Variants in CWC25 observed in about 807,000 individuals in gnomAD.
The protein encoded by CWC25 is pre-mRNA-splicing factor CWC25 homolog.
Under a neutral mutation model 54.6 loss-of-function variants are expected in CWC25, and 31 were observed. That is an observed-to-expected ratio of 0.57 (90% CI 0.43 to 0.77). The LOEUF (loss-of-function observed/expected upper bound fraction) is 0.77. Among genes scored for constraint, CWC25 ranks in the 30% least tolerant of loss-of-function variants. The probability of loss-of-function intolerance (pLI) is 0.00; values close to 1 mark genes in which losing one functional copy is unlikely to be tolerated. For missense variants in CWC25, 453 were observed against 529.3 expected (o/e 0.86, Z 1.41); for synonymous variants, 151 against 187.0 (o/e 0.81, Z 1.57).
intron 1 of CWC25, among the ~76,000 whole-genome samples, chr17:38,824,555 G>A (rs1912063522): frequency 6.6e-6 from 1 of 152,040 alleles, no homozygotes; most frequent in Admixed American, 6.6e-5. Context: ...GTGTGGTGGC[G>A]CATGCCTGTA....
chr17:38,823,092 C>A (rs1911992406), intron 1 of CWC25, among the ~76,000 whole-genome samples: 1 of 151,828 alleles, frequency 6.6e-6, no homozygotes. Flanking sequence ...CCCGCCTTGG[C>A]CTCCCAAAGT....
chr17:38,820,870 C>T (rs1911892626), intron 2 of CWC25, 31 bp downstream of exon 2: 1 of 1,593,252 alleles, frequency 6.3e-7, no homozygotes, highest in Non-Finnish European at 8.5e-7. Context: ...CAATTCCCTA[C>T]ACACAAGCGC....
intron 2 of CWC25, 23 bp downstream of exon 2, chr17:38,820,878 C>T (rs754049315): frequency 4.1e-5 from 66 of 1,598,232 alleles, no homozygotes; most frequent in Admixed American, 1.9e-4. Flanking sequence ...TACACACAAG[C>T]GCACCCCCAG....
chr17:38,821,153 C>G (rs1911907773), intron 1 of CWC25, 80 bp from the exon 2 acceptor site: 2 of 1,420,514 alleles, frequency 1.4e-6, no homozygotes, highest in Non-Finnish European at 1.9e-6. Flanking sequence ...CTCACCCACC[C>G]TTCCATACCC....
Position 38,801,808 on chromosome 17 carries a change from C to A in CWC25, c.*284G>T. On this transcript the variant is annotated 3_prime_UTR_variant, in exon 10 of 10. Transcript: ENST00000614790. ...GGAAGTGGCATGATAAACATCACAA[C>A]CCCAGGGAACAGCCTTCCAGAGTGG... is the stretch of plus-strand genomic sequence containing the variant. The A allele has an allele frequency of 3.3e-6, 1 of 301,464 alleles. No individual in the cohort carries two copies. 18.7% of individuals were successfully genotyped at this position (301,464 alleles called of 1,614,324 possible). A position where few individuals can be genotyped will look rare whatever the true frequency, so the allele number is the denominator to read the frequency against.
At chr17:38,809,817 C>T in intron 5 of CWC25, 52 bp from the exon 6 acceptor site, 2 of 1,504,744 alleles carry the variant, frequency 1.3e-6, no homozygotes, top group East Asian at 4.6e-5. Flanking sequence ...TATATAGGTC[C>T]AATTTAAATA....
At chr17:38,806,687 AC>A in intron 7 of CWC25, 77 bp downstream of exon 7, 1 of 1,312,734 alleles carries the variant, frequency 7.6e-7, no homozygotes, top group Non-Finnish European at 1.0e-6. Context: ...GACGGACATC[AC>A]CAAAAGCAAA....
chr17:38,822,643 G>A (rs1334188304), intron 1 of CWC25, among the ~76,000 whole-genome samples: 1 of 152,130 alleles, frequency 6.6e-6, no homozygotes, highest in Non-Finnish European at 1.5e-5. Context: ...GGGGAGATGA[G>A]GGGGGTAGAT....
chr17:38,814,974 T>C lies in CWC25; in HGVS notation c.315A>G (p.Ala105=). The change falls in exon 3 of 10, where the codon GCA becomes GCG. Residue 105 remains alanine, a synonymous_variant. Transcript: ENST00000614790. Reference sequence around the variant, plus strand: ...GAAGTCCTGTTTCAGAAGAGCAGCCTGCCTCCTTCTCCTCCATCTTCTCAA... The same window carrying C: ...GAAGTCCTGTTTCAGAAGAGCAGCCCGCCTCCTTCTCCTCCATCTTCTCAA... ...YVFEKMEEKE[A]GCSSETGLLP... is the part of the protein sequence containing the mutation. The C allele has an allele frequency of 6.2e-7, 1 of 1,613,836 alleles. No individual in the cohort carries two copies. The highest frequency in any genetic ancestry group is 8.5e-7 in the Non-Finnish European group (1 of 1,179,876).
chr17:38,809,834 G>A lies in CWC25; in HGVS notation c.627-69C>T. The A allele has an allele frequency of 2.2e-6, 3 of 1,379,400 alleles. 1 individual carries two copies. In the South Asian group the frequency reaches 3.8e-5, roughly 17 times the overall value. The allele number at this position is 1,379,400 out of a possible 1,614,324, so 85.4% of individuals were successfully genotyped here. A position where few individuals can be genotyped will look rare whatever the true frequency, so the allele number is the denominator to read the frequency against. On this transcript the variant is annotated intron_variant, in intron 5 of 9. Transcript: ENST00000614790. ...TATAGGTCCAATTTAAATATCTTATGCTGAACTATGCTTCTTGCCTCCAAT... is the reference window on the plus strand; with the variant it reads ...TATAGGTCCAATTTAAATATCTTATACTGAACTATGCTTCTTGCCTCCAAT...
chr17:38,815,189 C>T, intron 2 of CWC25, 92 bp from the exon 3 acceptor site: 1 of 1,118,674 alleles, frequency 8.9e-7, no homozygotes, highest in South Asian at 1.5e-5. Flanking sequence ...GGAGAGAGAA[C>T]CACAGCTAAT....
chr17:38,821,105 T>G (rs1473682234), intron 1 of CWC25, 32 bp from the exon 2 acceptor site: 13 of 1,597,634 alleles, frequency 8.1e-6, no homozygotes, highest in African/African-American at 2.7e-5. Flanking sequence ...TGATGATAAT[T>G]CGGGGGGTGA....
At chr17:38,805,140 C>G (rs1172933366) in intron 8 of CWC25, among the ~76,000 whole-genome samples, 1 of 146,198 alleles carries the variant, frequency 6.8e-6, no homozygotes, top group Non-Finnish European at 1.5e-5. Context: ...CTGGGCGTGA[C>G]AACATGTGCC....
Position 38,812,878 on chromosome 17 carries a change from A to G in CWC25, c.429-14T>C. 7.1e-7 allele frequency: 1 copy of G among 1,400,590 alleles called. No homozygotes were observed. The highest frequency in any genetic ancestry group is 9.9e-7 in the Non-Finnish European group (1 of 1,013,568). The allele number at this position is 1,400,590 out of a possible 1,614,324, so 86.8% of individuals were successfully genotyped here. A position where few individuals can be genotyped will look rare whatever the true frequency, so the allele number is the denominator to read the frequency against. On this transcript the variant is annotated splice_polypyrimidine_tract_variant and intron_variant, in intron 3 of 9. Coordinates refer to ENST00000614790, the MANE Select transcript of CWC25 (RefSeq NM_017748.5). ...TCCTCCTTCTTCCTAAAGAGAGATA[A>G]TTACAAAATTCATGACTATTTCTTT...
intron 2 of CWC25, chr17:38,815,872 C>A (rs1458752112): frequency 3.5e-6 from 1 of 282,164 alleles, no homozygotes; most frequent in African/African-American, 2.2e-5. Context: ...GGTAACACTA[C>A]ACATTTGAGG....
At chr17:38,821,138 C>T (rs754462066) in intron 1 of CWC25, 65 bp from the exon 2 acceptor site, 110 of 1,510,384 alleles carry the variant, frequency 7.3e-5, no homozygotes, top group Non-Finnish European at 9.5e-5. Context: ...TATAACTAGC[C>T]CTGCCTCACC....
At chr17:38,820,172 T>C (rs1159719689) in intron 2 of CWC25, among the ~76,000 whole-genome samples, 1 of 152,168 alleles carries the variant, frequency 6.6e-6, no homozygotes, top group Non-Finnish European at 1.5e-5. Context: ...TGGGCTCAAG[T>C]GATTTCTCAG....
intron 3 of CWC25, among the ~76,000 whole-genome samples, 198 bp from the exon 4 acceptor site, chr17:38,813,062 G>A (rs953236235): frequency 8.6e-5 from 13 of 151,386 alleles, no homozygotes; most frequent in South Asian, 2.1e-4. Flanking sequence ...GAGGAGAATC[G>A]CTTGAACCTG....
At position 38,819,824 on chromosome 17, in the gene CWC25, C is replaced by T. The variant is rs188100735; in HGVS notation, c.191+1077G>A. 8.9e-3 allele frequency among the ~76,000 whole-genome samples: 1,345 copies of T among 151,530 alleles called. 10 individuals carry two copies. Among genetic ancestry groups the T allele is most frequent in the Middle Eastern group, 0.017 (5 of 290 alleles). On this transcript the variant is annotated intron_variant, in intron 2 of 9. Transcript: ENST00000614790. ...CGGCCTCCTGAGTAGCTGGGATTAC[C>T]GCCACACCCAGCTAATTTTTGTATT...
Sources: gnomAD v4.1 joint callset for allele counts (sites outside exome capture counted in the v4.1 genomes callset) on GRCh38, gnomAD v4.1.1 for gene constraint, MANE v1.5 for transcripts, NCBI Gene and HGNC (gene_info 2026-07-23, HGNC 2026-07-21) for gene names.